The following ARHGAP39 variants were observed in gnomAD, a reference collection of about 807,000 sequenced individuals.
The protein encoded by ARHGAP39 is Rho GTPase activating protein 39.
A neutral mutation model predicts 106.9 loss-of-function variants in ARHGAP39; 44 were observed. That is an observed-to-expected ratio of 0.41 (90% confidence interval 0.32 to 0.53). ARHGAP39 has a LOEUF of 0.53. ARHGAP39 is among the 20% of genes least tolerant of loss of function. The pLI is 0.21. For missense variants in ARHGAP39, 1,496 were observed against 1,577.3 expected (o/e 0.95, Z 0.87); for synonymous variants, 768 against 693.2 (o/e 1.11, Z -1.69).
intron 3 of ARHGAP39, among the ~76,000 whole-genome samples, chr8:144,579,126 C>T (rs59581115): frequency 0.068 from 9,561 of 141,540 alleles, 1,000 homozygotes; most frequent in African/African-American, 0.23. Flanking sequence ...GGTGTGAACC[C>T]GGGAGGCGGA....
chr8:144,671,479 G>A lies in ARHGAP39; in HGVS notation c.-82+14207C>T, dbSNP rs1411165727. ...TTCAGGAGACAGTGTCACTCTACAC[G>A]CTGCAAACACCACCCTCCCACCTGC... On this transcript the variant is annotated intron_variant, in intron 1 of 11. Coordinates refer to ENST00000377307, the MANE Select transcript of ARHGAP39 (RefSeq NM_025251.3). This position sits in a 1 kb window ranked among gnomAD's most constrained non-coding sequence, Gnocchi z 4.5. Among the ~76,000 whole-genome samples, 2 of 152,146 alleles carry A rather than the reference G, an allele frequency of 1.3e-5. No homozygotes were observed. Among genetic ancestry groups the A allele is most frequent in the Admixed American group, 6.5e-5 (1 of 15,278 alleles).
rs971528253 is a variant in ARHGAP39 at position 144,670,863 on chromosome 8, A to G, written c.-82+14823T>C. ...CAAGAGACAAACGCTTTACCCCTGC[A>G]CTGCCAGCCCCGAGCACCACTGACC... is the stretch of plus-strand genomic sequence containing the variant. On this transcript the variant is annotated intron_variant, in intron 1 of 11. Transcript: ENST00000377307. This position sits in a 1 kb window ranked among gnomAD's most constrained non-coding sequence, Gnocchi z 4.4. Among the ~76,000 whole-genome samples, 1 of 152,164 alleles carries G rather than the reference A, an allele frequency of 6.6e-6. No homozygotes were observed. Among genetic ancestry groups the G allele is most frequent in the Admixed American group, 6.5e-5 (1 of 15,278 alleles).
At chr8:144,680,812 C>T (rs978381447) in intron 1 of ARHGAP39, among the ~76,000 whole-genome samples, 12 of 152,160 alleles carry the variant, frequency 7.9e-5, no homozygotes, top group African/African-American at 2.9e-4. Flanking sequence ...TTTCACAATA[C>T]ACGAACTATG....
upstream of ARHGAP39, among the ~76,000 whole-genome samples, chr8:144,690,811 AT>A (rs113293471): frequency 0.03 from 3,498 of 116,274 alleles, 53 homozygotes; most frequent in African/African-American, 0.06. Flanking sequence ...CACCCAGCTG[AT>A]TTTTTTTTTT....
chr8:144,687,847 A>G (rs367593356), upstream of ARHGAP39, among the ~76,000 whole-genome samples: 839 of 35,556 alleles, frequency 0.024, 5 homozygotes, highest in African/African-American at 0.03. Flanking sequence ...ACCACACACT[A>G]GCAGTGAGCA....
intron 1 of ARHGAP39, among the ~76,000 whole-genome samples, chr8:144,662,860 C>G (rs1176228472): frequency 6.8e-6 from 1 of 147,818 alleles, no homozygotes; most frequent in Non-Finnish European, 1.5e-5. Flanking sequence ...TCCCCATTAT[C>G]CACCTTGAAC....
upstream of ARHGAP39, among the ~76,000 whole-genome samples, chr8:144,686,893 G>A (rs1161697875): frequency 6.8e-6 from 1 of 146,130 alleles, no homozygotes; most frequent in Non-Finnish European, 1.5e-5. Flanking sequence ...CACTGGCGGC[G>A]AGCACTTCCC....
At chr8:144,593,273 G>C (rs751704213) in intron 2 of ARHGAP39, among the ~76,000 whole-genome samples, 1 of 152,206 alleles carries the variant, frequency 6.6e-6, no homozygotes, top group African/African-American at 2.4e-5. Context: ...AGGGACACAA[G>C]AGTGAACAAG....
chr8:144,537,399 G>A (rs542740907), intron 7 of ARHGAP39, among the ~76,000 whole-genome samples: 5 of 152,160 alleles, frequency 3.3e-5, no homozygotes, highest in Non-Finnish European at 7.4e-5. Flanking sequence ...TCCCTGTGGG[G>A]GTCAGGCCCA....
chr8:144,542,808 G>A lies in ARHGAP39; in HGVS notation c.2521+2441C>T, dbSNP rs73377644. ...ACAAAAACTAGCTGGGTATGGTGGCGCGCACCTGTGGTCCCTGCTACACGG... is the reference window on the plus strand; with the variant it reads ...ACAAAAACTAGCTGGGTATGGTGGCACGCACCTGTGGTCCCTGCTACACGG... On this transcript the variant is annotated intron_variant, in intron 6 of 11. Coordinates refer to ENST00000377307, the MANE Select transcript of ARHGAP39 (RefSeq NM_025251.3). Among the ~76,000 whole-genome samples the A allele has an allele frequency of 6.7e-3, 1,012 of 152,010 alleles. 11 individuals are homozygous for A. The highest frequency in any genetic ancestry group is 0.021 in the African/African-American group (858 of 41,520).
intron 1 of ARHGAP39, among the ~76,000 whole-genome samples, chr8:144,618,563 C>T (rs1052948177): frequency 7.9e-5 from 12 of 152,376 alleles, no homozygotes; most frequent in Admixed American, 2.0e-4. Flanking sequence ...GTGGTGGGCG[C>T]GAGCAGGCAG....
chr8:144,612,020 A>C (rs914867520), intron 1 of ARHGAP39, among the ~76,000 whole-genome samples: 14 of 152,086 alleles, frequency 9.2e-5, no homozygotes, highest in Non-Finnish European at 1.9e-4. Flanking sequence ...AAAAAAAAAA[A>C]AAAAAAGGAG....
intron 6 of ARHGAP39, among the ~76,000 whole-genome samples, chr8:144,539,331 G>A (rs938233669): frequency 6.6e-6 from 1 of 152,104 alleles, no homozygotes. Context: ...CAGTCGCCCC[G>A]GCTTCCTCCC....
At chr8:144,539,555 C>T (rs527357790) in intron 6 of ARHGAP39, among the ~76,000 whole-genome samples, 20 of 152,328 alleles carry the variant, frequency 1.3e-4, no homozygotes, top group African/African-American at 3.8e-4. Context: ...TCTTGGTTTA[C>T]GAGTGATCCA....
chr8:144,576,200 G>C (rs1410424333), intron 3 of ARHGAP39, among the ~76,000 whole-genome samples: 1 of 151,944 alleles, frequency 6.6e-6, no homozygotes, highest in Non-Finnish European at 1.5e-5. Flanking sequence ...AGGTGTGGTG[G>C]TGGGCGCCTG....
chr8:144,531,214 T>TGCATTGCAC (rs1564831584), intron 10 of ARHGAP39, among the ~76,000 whole-genome samples: 1 of 143,858 alleles, frequency 7.0e-6, no homozygotes, highest in African/African-American at 2.7e-5. Context: ...GGGAGTGGGC[T>TGCATTGCAC]AGACATAGCA....
At chr8:144,563,643 A>G (rs1818287376) in intron 3 of ARHGAP39, among the ~76,000 whole-genome samples, 1 of 151,930 alleles carries the variant, frequency 6.6e-6, no homozygotes, top group Admixed American at 6.6e-5. Context: ...TAATAATAAT[A>G]AAAGAAAATT....
chr8:144,623,155 C>T (rs568161825), intron 1 of ARHGAP39, among the ~76,000 whole-genome samples: 4 of 152,240 alleles, frequency 2.6e-5, no homozygotes, highest in African/African-American at 9.6e-5. Context: ...TAGACTTCAA[C>T]AAATTAATTC....
chr8:144,600,395 G>A (rs1586597287), intron 2 of ARHGAP39, among the ~76,000 whole-genome samples: 1 of 149,956 alleles, frequency 6.7e-6, no homozygotes, highest in East Asian at 2.0e-4. Flanking sequence ...CGTGTGTGGA[G>A]GCGTGTGTGT....
Sources: allele counts gnomAD v4.1 joint callset (sites outside exome capture counted in the v4.1 genomes callset), GRCh38; gene constraint gnomAD v4.1.1; non-coding constraint Gnocchi (gnomAD v3.1); transcripts MANE v1.5; gene names NCBI Gene and HGNC (gene_info 2026-07-23, HGNC 2026-07-21).